DEPDC1: variants seen among roughly 807,000 people sequenced by gnomAD.
DEPDC1 encodes the protein DEP domain-containing protein 1A.
A neutral mutation model predicts 86.8 loss-of-function variants in DEPDC1; 66 were observed. That is an observed-to-expected ratio of 0.76 (90% CI 0.62 to 0.93). The LOEUF (loss-of-function observed/expected upper bound fraction) is 0.93. Ranked by LOEUF, DEPDC1 falls within the 40% of genes least tolerant of loss-of-function variation. The probability of loss-of-function intolerance (pLI) is 0.00; values close to 1 mark genes in which losing one functional copy is unlikely to be tolerated. For missense variants in DEPDC1, 792 were observed against 935.7 expected, an observed-to-expected ratio of 0.85 and a Z score of 2.00; for synonymous variants, 255 against 314.9, an observed-to-expected ratio of 0.81 and a Z score of 2.02.
At chr1:68,487,917 T>C (rs1553156248) in intron 5 of DEPDC1, among the ~76,000 whole-genome samples, 1 of 151,854 alleles carries the variant, frequency 6.6e-6, no homozygotes, top group Non-Finnish European at 1.5e-5. Flanking sequence ...ATCTTGAAAG[T>C]CTGAGCTTAT....
chr1:68,482,488 G>A lies in DEPDC1; in HGVS notation c.1320C>T (p.Val440=). The change falls in exon 8 of 12, where the codon GTC becomes GTT. Residue 440 remains valine, a synonymous_variant. Transcript: ENST00000456315. The part of the protein sequence containing the change: ...PGNSSKEASS[V]FHQSFPNIEG... ...CTATGTTCGGAAAAGATTGATGAAA[G>A]ACACTGGATGCCTCTTTACTTGAAT... The A allele has an allele frequency of 6.2e-7, 1 of 1,613,092 alleles. No homozygotes were observed. The highest frequency in any genetic ancestry group is 8.5e-7 in the Non-Finnish European group (1 of 1,179,338).
At chr1:68,488,241 A>C (rs986915827) in intron 5 of DEPDC1, 133 bp downstream of exon 5, 1 of 726,100 alleles carries the variant, frequency 1.4e-6, no homozygotes, top group African/African-American at 1.9e-5. Flanking sequence ...GTTATTACTA[A>C]AGAACTTATG....
chr1:68,480,364 G>T (rs1449530583), intron 9 of DEPDC1, among the ~76,000 whole-genome samples: 1 of 151,606 alleles, frequency 6.6e-6, no homozygotes, highest in Admixed American at 6.6e-5. Context: ...TTATAGAATT[G>T]ATACATTTTT....
Position 68,482,864 on chromosome 1 carries a change from G to C in DEPDC1, c.944C>G (p.Ser315Cys), listed in dbSNP as rs1275721485. ...VCGYITVSDR[S>C]SGIHKIQDDP... ...ATCTTGAATTTTATGTATCCCACTG[G>C]ATCTATCTGAAACTGTGATGTAGCC... Residue 315 changes from serine (S) to cysteine (C), a missense_variant, in exon 8 of 12, where the codon TCC (serine) becomes TGC (cysteine). Coordinates refer to ENST00000456315, the MANE Select transcript of DEPDC1 (RefSeq NM_001114120.3). 5.0e-6 allele frequency: 8 copies of C among 1,595,390 alleles called. No individual in the cohort carries two copies. Among genetic ancestry groups the C allele is most frequent in the South Asian group, 1.1e-5 (1 of 87,176 alleles).
At chr1:68,480,491 C>G (rs1374707534) in intron 9 of DEPDC1, among the ~76,000 whole-genome samples, 1 of 151,938 alleles carries the variant, frequency 6.6e-6, no homozygotes, top group Non-Finnish European at 1.5e-5. Flanking sequence ...CTCATAGCTT[C>G]AAGTACTATC....
Position 68,481,454 on chromosome 1 carries a change from C to T in DEPDC1, c.1921G>A (p.Gly641Ser), listed in dbSNP as rs781006474. The T allele has an allele frequency of 1.1e-5, 17 of 1,611,718 alleles. No homozygotes were observed. In the South Asian group the frequency reaches 1.8e-4, roughly 17 times the overall value. ...VDMPKLHDAM[G>S]TRSLMIHTFS... ...AATCAACTTACCAGTGACCTCGTACCCATTGCATCATGAAGTTTGGGCATA... is the reference window on the plus strand; with the variant it reads ...AATCAACTTACCAGTGACCTCGTACTCATTGCATCATGAAGTTTGGGCATA... The change falls in exon 9 of 12, where the codon GGT becomes AGT. Residue 641 changes from glycine to serine, a missense_variant. Coordinates refer to ENST00000456315, the MANE Select transcript of DEPDC1 (RefSeq NM_001114120.3).
At chr1:68,490,764 T>G (rs2100268591) in intron 2 of DEPDC1, among the ~76,000 whole-genome samples, 1 of 152,178 alleles carries the variant, frequency 6.6e-6, no homozygotes, top group South Asian at 2.1e-4. Context: ...GGAGGCATCA[T>G]GCTACCAGAA....
Position 68,482,036 on chromosome 1 carries a change from A to G in DEPDC1, c.1762+10T>C. The G allele has an allele frequency of 6.4e-7, 1 of 1,558,060 alleles. No homozygotes were observed. Among genetic ancestry groups the G allele is most frequent in the Non-Finnish European group, 8.6e-7 (1 of 1,157,616 alleles). ...GTTAATATTGCATGCATTGAAAGCAACAGCCTTACTTTGTGTGCCAGTCAA... is the reference window on the plus strand; with the variant it reads ...GTTAATATTGCATGCATTGAAAGCAGCAGCCTTACTTTGTGTGCCAGTCAA... On this transcript the variant is annotated intron_variant, in intron 8 of 11. Transcript: ENST00000456315.
rs370157932 is a variant in DEPDC1, at chr1:68,484,072, A to C, written c.788T>G (p.Met263Arg). 6.4e-6 allele frequency: 10 copies of C among 1,572,736 alleles called. No homozygotes were observed. The highest frequency in any genetic ancestry group is 8.6e-6 in the Non-Finnish European group (10 of 1,165,758). ...CLANWPRSND[M>R]NNPTYVGFER... ...AAATCCAACATAAGTTGGATTATTC[A>C]TATCATTGCTTCTTGGCCCTAAGAA... is the stretch of plus-strand genomic sequence containing the variant. The change falls in exon 7 of 12, where the codon ATG (methionine) becomes AGG (arginine). Residue 263 changes from methionine to arginine, a missense_variant. By Grantham distance (91) the Met-to-Arg change is moderately conservative. Coordinates refer to ENST00000456315, the MANE Select transcript of DEPDC1 (RefSeq NM_001114120.3).
rs1487435655 is a variant in DEPDC1 at position 68,475,011 on chromosome 1, T to G, written c.*1921A>C. 6.6e-6 allele frequency: 1 copy of G among 152,054 alleles called. No homozygotes were observed. Among genetic ancestry groups the G allele is most frequent in the Admixed American group, 6.6e-5 (1 of 15,242 alleles). 9.4% of individuals were successfully genotyped at this position (152,054 alleles called of 1,614,324 possible). The stretch of plus-strand genomic sequence containing the variant: ...TAGTAAAATATTTATAGAGTGCTTA[T>G]TCTATGTGAGACACTGTGCTAACAC... On this transcript the variant is annotated 3_prime_UTR_variant, in exon 12 of 12. Transcript: ENST00000456315.
chr1:68,484,145 T>C (rs1053815090), intron 6 of DEPDC1, 55 bp from the exon 7 acceptor site: 1 of 1,305,356 alleles, frequency 7.7e-7, no homozygotes, highest in Non-Finnish European at 1.0e-6. Flanking sequence ...TTAAATACAA[T>C]TTTTAAACAT....
intron 9 of DEPDC1, among the ~76,000 whole-genome samples, chr1:68,480,091 A>G (rs774560818): frequency 6.6e-6 from 1 of 152,084 alleles, no homozygotes; most frequent in Non-Finnish European, 1.5e-5. Flanking sequence ...GCTGGAAAAT[A>G]GTTTTTAAAA....
Position 68,483,025 on chromosome 1 carries a change from T to C in DEPDC1, c.911-128A>G, listed in dbSNP as rs1571197973. 8.0e-6 allele frequency: 8 copies of C among 1,004,658 alleles called. No homozygotes were observed. In the East Asian group the frequency reaches 1.9e-4, roughly 23 times the overall value. The allele number at this position is 1,004,658 out of a possible 1,614,324, so 62.2% of individuals were successfully genotyped here. A position where few individuals can be genotyped will look rare whatever the true frequency, so the allele number is the denominator to read the frequency against. ...TATATTGTTAGTATAGTATACACAG[T>C]AGTTGCTTAATTCAGAAGCCACTTA... On this transcript the variant is annotated intron_variant, in intron 7 of 11. Coordinates refer to ENST00000456315, the MANE Select transcript of DEPDC1 (RefSeq NM_001114120.3).
Position 68,474,161 on chromosome 1 carries a change from A to G in DEPDC1, c.*2771T>C, listed in dbSNP as rs1043020987. ...ACACAAGAAAAGAAACTTGATAGCA[A>G]AAGAGTTTTAATCAGTAGAGATCTT... On this transcript the variant is annotated 3_prime_UTR_variant, in exon 12 of 12. Coordinates refer to ENST00000456315, the MANE Select transcript of DEPDC1 (RefSeq NM_001114120.3). 1 of 152,160 alleles carries G rather than the reference A, an allele frequency of 6.6e-6. No individual in the cohort carries two copies. Among genetic ancestry groups the G allele is most frequent in the African/African-American group, 2.4e-5 (1 of 41,452 alleles). The allele number at this position is 152,160 out of a possible 1,614,324, so 9.4% of individuals were successfully genotyped here.
At chr1:68,494,409 A>G (rs1487715449) in intron 2 of DEPDC1, 21 bp downstream of exon 2, 4 of 1,593,912 alleles carry the variant, frequency 2.5e-6, no homozygotes, top group Non-Finnish European at 2.6e-6. Flanking sequence ...TCAGTTTTAC[A>G]GTTACATATC....
rs564644392 is a variant in DEPDC1, at chr1:68,489,571, T to C, written c.352A>G (p.Arg118Gly). ...TTGTTTTTTCTCAATTCTGGATACC[T>C]TCGTGGTAGAGTTTTAAGTGGCGAA... ...ATSPLKTLPR[R>G]YPELRKNNIE... The change falls in exon 3 of 12, where the codon AGG becomes GGG. Residue 118 changes from arginine (R) to glycine (G), a missense_variant. Coordinates refer to ENST00000456315, the MANE Select transcript of DEPDC1 (RefSeq NM_001114120.3). The C allele has an allele frequency of 1.0e-5, 16 of 1,542,280 alleles. No individual in the cohort carries two copies. The highest frequency in any genetic ancestry group is 1.3e-5 in the Non-Finnish European group (15 of 1,155,306).
Position 68,475,910 on chromosome 1 carries a change from C to T in DEPDC1, c.*1022G>A, listed in dbSNP as rs1225478632. On this transcript the variant is annotated 3_prime_UTR_variant, in exon 12 of 12. Coordinates refer to ENST00000456315, the MANE Select transcript of DEPDC1 (RefSeq NM_001114120.3). ...AAAAAAAATACTAATCCCTATACAACATCCCCAAAATTCAGATTTAATTAG... is the reference window on the plus strand; with the variant it reads ...AAAAAAAATACTAATCCCTATACAATATCCCCAAAATTCAGATTTAATTAG... The T allele has an allele frequency of 1.3e-5, 2 of 151,864 alleles. No individual in the cohort carries two copies. The highest frequency in any genetic ancestry group is 2.9e-5 in the Non-Finnish European group (2 of 67,852). 9.4% of individuals were successfully genotyped at this position (151,864 alleles called of 1,614,324 possible).
At chr1:68,491,335 A>C (rs1193101832) in intron 2 of DEPDC1, among the ~76,000 whole-genome samples, 1 of 152,188 alleles carries the variant, frequency 6.6e-6, no homozygotes, top group Admixed American at 6.5e-5. Flanking sequence ...TTTAAAAGCA[A>C]CTCCATTAAA....
At chr1:68,485,017 T>A (rs1019543352) in intron 6 of DEPDC1, among the ~76,000 whole-genome samples, 3 of 151,676 alleles carry the variant, frequency 2.0e-5, no homozygotes, top group African/African-American at 7.3e-5. Context: ...GTGGTATGCA[T>A]CTAGGTTTTA....
Sources: gnomAD v4.1 joint callset for allele counts (sites outside exome capture counted in the v4.1 genomes callset) on GRCh38, gnomAD v4.1.1 for gene constraint, MANE v1.5 for transcripts, NCBI Gene and HGNC (gene_info 2026-07-23, HGNC 2026-07-21) for gene names.